The following ERBB4 variants were observed in gnomAD, a reference collection of about 807,000 sequenced individuals.
ERBB4 encodes receptor tyrosine-protein kinase erbB-4.
Under a neutral mutation model 158.0 loss-of-function variants are expected in ERBB4, and 42 were observed. The ratio of observed to expected loss-of-function variants is 0.27; its 90% confidence interval spans 0.21 to 0.34. The LOEUF (loss-of-function observed/expected upper bound fraction) is 0.34, where lower values mean the gene tolerates loss of function less well. Among genes scored for constraint, ERBB4 ranks in the 10% least tolerant of loss-of-function variants. The pLI is 1.00. For synonymous variants in ERBB4, 583 were observed against 558.7 expected, an observed-to-expected ratio of 1.04 and a Z score of -0.61; for missense variants, 1,333 against 1,624.1, an observed-to-expected ratio of 0.82 and a Z score of 3.08.
intron 1 of ERBB4, among the ~76,000 whole-genome samples, chr2:212,139,264 A>T (rs924767488): frequency 6.6e-6 from 1 of 152,066 alleles, no homozygotes; most frequent in African/African-American, 2.4e-5. Flanking sequence ...AATGTCTTCT[A>T]CATTTAAGAG....
chr2:212,444,354 G>A (rs1230568686), intron 1 of ERBB4, among the ~76,000 whole-genome samples: 1 of 152,180 alleles, frequency 6.6e-6, no homozygotes, highest in African/African-American at 2.4e-5. Context: ...TGCATGGGAG[G>A]AGAAATGGCC....
chr2:211,447,242 T>C (rs1367409400), intron 20 of ERBB4, among the ~76,000 whole-genome samples: 1 of 152,038 alleles, frequency 6.6e-6, no homozygotes, highest in Non-Finnish European at 1.5e-5. Flanking sequence ...TTTAATACTT[T>C]ATCTTTTATG....
At chr2:212,315,826 ACTTT>A (rs1466691202) in intron 1 of ERBB4, among the ~76,000 whole-genome samples, 1 of 151,470 alleles carries the variant, frequency 6.6e-6, no homozygotes, top group African/African-American at 2.4e-5. Context: ...TATACAAAAA[ACTTT>A]CTGACACAAC....
rs58277006 is a variant in ERBB4 at position 211,761,190 on chromosome 2, CAAAAAAA to C, written c.557-10493_557-10487del. Among the ~76,000 whole-genome samples the C allele has an allele frequency of 4.2e-3, 380 of 89,950 alleles. 2 individuals are homozygous for C. The highest frequency in any genetic ancestry group is 0.013 in the African/African-American group (327 of 25,942). The allele number at this position is 89,950 out of a possible 152,430, so 59.0% of individuals were successfully genotyped here. A position where few individuals can be genotyped will look rare whatever the true frequency, so the allele number is the denominator to read the frequency against. Reference sequence around the variant, plus strand: ...AGCCTGGCGACAGGGTGAGATTCCTCAAAAAAAAAAAAAAAAAAAAAGGAAAAAAGAA... The same window carrying C: ...AGCCTGGCGACAGGGTGAGATTCCTCAAAAAAAAAAAAAAGGAAAAAAGAA... On this transcript the variant is annotated intron_variant, in intron 4 of 27. Coordinates refer to ENST00000342788, the MANE Select transcript of ERBB4 (RefSeq NM_005235.3).
In ERBB4 at chr2:211,607,872, T is replaced by TC. The variant is rs2069044654; in HGVS notation, c.2301+11304_2301+11305insG. On this transcript the variant is annotated intron_variant, in intron 19 of 27. Coordinates refer to ENST00000342788, the MANE Select transcript of ERBB4 (RefSeq NM_005235.3). ...AAAACTTTTTCGCATCAGATTTTTT[T>TC]TTTTTTTTTTTTTTTTAGACAGGGT... Among the ~76,000 whole-genome samples the TC allele has an allele frequency of 7.1e-5, 4 of 56,398 alleles. No homozygotes were observed. In the East Asian group the frequency reaches 2.1e-3, roughly 30 times the overall value. The allele number at this position is 56,398 out of a possible 152,430, so 37.0% of individuals were successfully genotyped here. A position where few individuals can be genotyped will look rare whatever the true frequency, so the allele number is the denominator to read the frequency against.
chr2:211,773,411 T>C (rs1239229875), intron 4 of ERBB4, among the ~76,000 whole-genome samples: 1 of 150,822 alleles, frequency 6.6e-6, no homozygotes, highest in Admixed American at 6.6e-5. Context: ...TATACTCATA[T>C]ATGTTATGAT....
At chr2:211,497,686 A>G (rs931503739) in intron 20 of ERBB4, among the ~76,000 whole-genome samples, 1 of 152,156 alleles carries the variant, frequency 6.6e-6, no homozygotes, top group Non-Finnish European at 1.5e-5. Flanking sequence ...AATATGCTAT[A>G]GGGAATAAAA....
chr2:211,774,320 C>T (rs537968783), intron 4 of ERBB4, among the ~76,000 whole-genome samples: 1 of 152,176 alleles, frequency 6.6e-6, no homozygotes, highest in African/African-American at 2.4e-5. Flanking sequence ...GATGCCCCTG[C>T]CTCGGCCTCC....
intron 25 of ERBB4, 73 bp from the exon 26 acceptor site, chr2:211,388,065 G>A (rs1022385236): frequency 2.0e-5 from 24 of 1,179,070 alleles, no homozygotes; most frequent in East Asian, 1.2e-4. Context: ...AAAAAGAAAC[G>A]AAAAAGAAAA....
At chr2:211,522,878 A>G (rs1250394761) in intron 20 of ERBB4, among the ~76,000 whole-genome samples, 1 of 152,024 alleles carries the variant, frequency 6.6e-6, no homozygotes, top group Non-Finnish European at 1.5e-5. Flanking sequence ...GGGAAACCAA[A>G]AAGTTTTCAT....
At chr2:211,777,076 T>A (rs2075896538) in intron 4 of ERBB4, 1 of 151,140 alleles carries the variant, frequency 6.6e-6, no homozygotes, top group African/African-American at 2.4e-5. Flanking sequence ...GGGAGGGGAG[T>A]TTGCAGATGT....
At chr2:211,993,146 C>T (rs923358235) in intron 2 of ERBB4, among the ~76,000 whole-genome samples, 1 of 152,182 alleles carries the variant, frequency 6.6e-6, no homozygotes, top group Admixed American at 6.5e-5. Flanking sequence ...ATTGAAGACT[C>T]TGGCACCTTA....
chr2:211,896,861 C>A (rs756347478), intron 3 of ERBB4, among the ~76,000 whole-genome samples: 2 of 151,944 alleles, frequency 1.3e-5, no homozygotes, highest in Non-Finnish European at 1.5e-5. Flanking sequence ...GTATTTGTTA[C>A]AATTTCATCA....
intron 20 of ERBB4, among the ~76,000 whole-genome samples, chr2:211,431,385 CTCTT>C (rs1424184277): frequency 6.6e-6 from 1 of 152,126 alleles, no homozygotes; most frequent in South Asian, 2.1e-4. Context: ...CTTTTGCAAA[CTCTT>C]TCTTTAGTGA....
intron 20 of ERBB4, among the ~76,000 whole-genome samples, chr2:211,478,363 CA>C (rs910022166): frequency 1.3e-5 from 2 of 152,112 alleles, no homozygotes; most frequent in Non-Finnish European, 2.9e-5. Context: ...TCTCTATATT[CA>C]AAGACAAATC....
At chr2:211,872,412 G>A (rs1333867228) in intron 3 of ERBB4, among the ~76,000 whole-genome samples, 1 of 152,124 alleles carries the variant, frequency 6.6e-6, no homozygotes, top group African/African-American at 2.4e-5. Context: ...GTCAGCAAAA[G>A]GCGGGGGTTC....
intron 2 of ERBB4, among the ~76,000 whole-genome samples, chr2:212,070,237 C>T (rs1052853280): frequency 6.6e-6 from 1 of 151,776 alleles, no homozygotes; most frequent in Non-Finnish European, 1.5e-5. Flanking sequence ...CTTATTTTCC[C>T]AAATTAAAGG....
intron 20 of ERBB4, among the ~76,000 whole-genome samples, chr2:211,463,389 A>C (rs1335283146): frequency 6.6e-6 from 1 of 152,170 alleles, no homozygotes; most frequent in Non-Finnish European, 1.5e-5. Flanking sequence ...TACTAATACT[A>C]CTTCTTCCTG....
At chr2:212,454,983 G>T (rs1460164328) in intron 1 of ERBB4, among the ~76,000 whole-genome samples, 1 of 152,058 alleles carries the variant, frequency 6.6e-6, no homozygotes, top group Non-Finnish European at 1.5e-5. Context: ...AATGCAAAGT[G>T]TCAATATTAT....
Sources: gnomAD v4.1 joint callset for allele counts (sites outside exome capture counted in the v4.1 genomes callset) on GRCh38, gnomAD v4.1.1 for gene constraint, MANE v1.5 for transcripts, NCBI Gene and HGNC (gene_info 2026-07-23, HGNC 2026-07-21) for gene names.